Variants in SP3 observed in about 807,000 individuals in gnomAD.
The protein encoded by SP3 is Sp3 transcription factor, also known as transcription factor Sp3.
A neutral mutation model predicts 70.3 loss-of-function variants in SP3; 10 were observed. The observed-to-expected ratio is 0.14, with a 90% confidence interval of 0.09 to 0.24. The LOEUF (loss-of-function observed/expected upper bound fraction) is 0.24, where lower values mean the gene tolerates loss of function less well. Ranked by LOEUF, SP3 falls within the 10% of genes least tolerant of loss-of-function variation. The pLI, the probability that SP3 is intolerant of heterozygous loss-of-function variation, is 1.00. For missense variants in SP3, 825 were observed against 914.6 expected, an observed-to-expected ratio of 0.90 and a Z score of 1.26; for synonymous variants, 402 against 333.5, an observed-to-expected ratio of 1.21 and a Z score of -2.24.
At chr2:173,951,228 T>C (rs986537446) in intron 4 of SP3, among the ~76,000 whole-genome samples, 1 of 152,186 alleles carries the variant, frequency 6.6e-6, no homozygotes, top group Non-Finnish European at 1.5e-5. Context: ...TAAAAACTAG[T>C]TTCTAAAAAC....
chr2:173,934,568 T>C (rs1332041756), intron 4 of SP3, among the ~76,000 whole-genome samples: 1 of 152,210 alleles, frequency 6.6e-6, no homozygotes, highest in Non-Finnish European at 1.5e-5. Flanking sequence ...CTTTCTGCCA[T>C]TTATTAACAC....
intron 4 of SP3, among the ~76,000 whole-genome samples, chr2:173,932,572 C>G (rs1409708591): frequency 2.6e-5 from 4 of 152,162 alleles, no homozygotes; most frequent in African/African-American, 9.7e-5. Context: ...GTCGTTGCAA[C>G]AGTCAGAACA....
At chr2:173,964,309 G>T (rs1304216179) in intron 2 of SP3, 96 bp downstream of exon 2, 2 of 588,040 alleles carry the variant, frequency 3.4e-6, no homozygotes, top group Admixed American at 5.5e-5. Flanking sequence ...GGGGAGAGAC[G>T]AGGAGGGAGG....
intron 4 of SP3, among the ~76,000 whole-genome samples, chr2:173,926,906 C>A (rs1039750498): frequency 6.6e-6 from 1 of 152,098 alleles, no homozygotes; most frequent in South Asian, 2.1e-4. Flanking sequence ...ATACCTGAGA[C>A]TAAGTAATTT....
At position 173,905,286 on chromosome 2, in the gene SP3, G is replaced by T. The variant is rs1021073811; in HGVS notation, c.*4655C>A. Among the ~76,000 whole-genome samples the T allele has an allele frequency of 6.6e-6, 1 of 152,164 alleles. No individual in the cohort carries two copies. Among genetic ancestry groups the T allele is most frequent in the East Asian group, 1.9e-4 (1 of 5,192 alleles). ...GGGGGGAGGAAGGCATTGGAAGGAGGTTACCATTTGAATCTCTACCGTTAA... is the reference window on the plus strand; with the variant it reads ...GGGGGGAGGAAGGCATTGGAAGGAGTTTACCATTTGAATCTCTACCGTTAA... On this transcript the variant is annotated 3_prime_UTR_variant, in exon 7 of 7. Transcript: ENST00000310015.
intron 4 of SP3, among the ~76,000 whole-genome samples, chr2:173,935,345 TGACA>T (rs1281806243): frequency 6.6e-6 from 1 of 152,318 alleles, no homozygotes; most frequent in Admixed American, 6.5e-5. Context: ...TATCTAGAAC[TGACA>T]GACAATCCAT....
At chr2:173,943,983 A>T (rs1046010075) in intron 4 of SP3, among the ~76,000 whole-genome samples, 1 of 152,252 alleles carries the variant, frequency 6.6e-6, no homozygotes, top group Non-Finnish European at 1.5e-5. Flanking sequence ...AACTGTAAAC[A>T]TGATGGTATG....
intron 4 of SP3, among the ~76,000 whole-genome samples, chr2:173,928,888 G>C (rs986561037): frequency 6.6e-6 from 1 of 152,172 alleles, no homozygotes; most frequent in Admixed American, 6.5e-5. Context: ...ACTATATTGA[G>C]CGAACATTTG....
At chr2:173,945,406 T>C (rs1463681570) in intron 4 of SP3, among the ~76,000 whole-genome samples, 1 of 152,196 alleles carries the variant, frequency 6.6e-6, no homozygotes, top group Non-Finnish European at 1.5e-5. Flanking sequence ...TAAGAACTTA[T>C]GTATACCTCA....
chr2:173,918,091 CCA>C (rs1689656866), intron 5 of SP3, among the ~76,000 whole-genome samples: 1 of 151,448 alleles, frequency 6.6e-6, no homozygotes, highest in Admixed American at 6.6e-5. Flanking sequence ...TGAGTTTACT[CCA>C]GTCATGTTAT....
At chr2:173,929,048 G>C (rs1336887054) in intron 4 of SP3, among the ~76,000 whole-genome samples, 3 of 152,002 alleles carry the variant, frequency 2.0e-5, no homozygotes, top group Non-Finnish European at 4.4e-5. Flanking sequence ...AGGGAGATGT[G>C]ATCATGACAG....
intron 4 of SP3, among the ~76,000 whole-genome samples, chr2:173,928,873 GAAC>G (rs1270634216): frequency 6.6e-6 from 1 of 152,070 alleles, no homozygotes; most frequent in Non-Finnish European, 1.5e-5. Context: ...AACATTTATT[GAAC>G]AACTATATTG....
rs1689230681 is a variant in SP3 at position 173,903,553 on chromosome 2, A to C, written c.*6388T>G. Among the ~76,000 whole-genome samples the C allele has an allele frequency of 6.6e-6, 1 of 152,242 alleles. No individual in the cohort carries two copies. Among genetic ancestry groups the C allele is most frequent in the African/African-American group, 2.4e-5 (1 of 41,464 alleles). On this transcript the variant is annotated 3_prime_UTR_variant, in exon 7 of 7. Coordinates refer to ENST00000310015, the MANE Select transcript of SP3 (RefSeq NM_003111.5). The stretch of plus-strand genomic sequence containing the variant: ...AATTAACACAACTTAAGAATTTTTA[A>C]AGGATCAGGGTGTGAGGAGGACTAA...
chr2:173,939,172 C>G (rs924151930), intron 4 of SP3, among the ~76,000 whole-genome samples: 1 of 152,106 alleles, frequency 6.6e-6, no homozygotes, highest in Non-Finnish European at 1.5e-5. Context: ...CTGGCATGCA[C>G]AGCAAGAGCG....
chr2:173,915,158 G>C (rs1689590106), intron 5 of SP3: 1 of 152,122 alleles, frequency 6.6e-6, no homozygotes. Flanking sequence ...GAAGCAAGAA[G>C]CTAGGGAAGG....
At position 173,904,274 on chromosome 2, in the gene SP3, G is replaced by C. The variant is rs1045028330; in HGVS notation, c.*5667C>G. Among the ~76,000 whole-genome samples the C allele has an allele frequency of 1.3e-5, 2 of 152,012 alleles. No individual in the cohort carries two copies. The highest frequency in any genetic ancestry group is 6.6e-5 in the Admixed American group (1 of 15,256). On this transcript the variant is annotated 3_prime_UTR_variant, in exon 7 of 7. Coordinates refer to ENST00000310015, the MANE Select transcript of SP3 (RefSeq NM_003111.5). ...TCCTCACAGACCAGGGACCAGTACC[G>C]GTCTGTGGCCCAGGGGTTGGGGACC...
intron 3 of SP3, 112 bp downstream of exon 3, chr2:173,963,649 G>C (rs571169754): frequency 4.5e-6 from 1 of 223,482 alleles, no homozygotes; most frequent in South Asian, 1.6e-4. Flanking sequence ...CCAGCGGCCC[G>C]TGCGGGTCGG....
In SP3 at chr2:173,906,480, A is replaced by G. The variant is rs1387844286; in HGVS notation, c.*3461T>C. 1.3e-5 allele frequency: 2 copies of G among 152,248 alleles called. No homozygotes were observed. The highest frequency in any genetic ancestry group is 2.9e-5 in the Non-Finnish European group (2 of 68,040). 9.4% of individuals were successfully genotyped at this position (152,248 alleles called of 1,614,324 possible). A position where few individuals can be genotyped will look rare whatever the true frequency, so the allele number is the denominator to read the frequency against. ...GCAGTCAGTTTTAAACATACTGTTT[A>G]GTGAAAAATAATTCTTTTACAACAA... is the stretch of plus-strand genomic sequence containing the variant. On this transcript the variant is annotated 3_prime_UTR_variant, in exon 7 of 7. Transcript: ENST00000310015.
intron 3 of SP3, among the ~76,000 whole-genome samples, chr2:173,960,022 T>C (rs574059211): frequency 6.6e-6 from 1 of 151,984 alleles, no homozygotes; most frequent in Non-Finnish European, 1.5e-5. Context: ...ATACAAAAAT[T>C]AGCCAGGCGT....
Sources: gnomAD v4.1 joint callset for allele counts (sites outside exome capture counted in the v4.1 genomes callset) on GRCh38, gnomAD v4.1.1 for gene constraint, MANE v1.5 for transcripts, NCBI Gene and HGNC (gene_info 2026-07-23, HGNC 2026-07-21) for gene names.